Variants in ARMC9 observed in about 807,000 individuals in gnomAD.
ARMC9 encodes armadillo repeat containing 9, also known as lisH domain-containing protein ARMC9.
Under a neutral mutation model 107.0 loss-of-function variants are expected in ARMC9, and 94 were observed. The observed-to-expected ratio is 0.88, with a 90% CI of 0.74 to 1.04. The LOEUF (loss-of-function observed/expected upper bound fraction) is 1.04, where lower values mean the gene tolerates loss of function less well. Among genes scored for constraint, ARMC9 ranks in the 50% least tolerant of loss-of-function variants. The pLI, the probability that ARMC9 is intolerant of heterozygous loss-of-function variation, is 0.00. For synonymous variants in ARMC9, 380 were observed against 396.9 expected (o/e 0.96, Z 0.51); for missense variants, 942 against 1,030.1 (o/e 0.91, Z 1.17).
At chr2:231,200,954 G>T (rs145040162) in intron 1 of ARMC9, among the ~76,000 whole-genome samples, 3 of 152,178 alleles carry the variant, frequency 2.0e-5, no homozygotes, top group Non-Finnish European at 2.9e-5. Context: ...TGTTTGCCTG[G>T]GGGGGCAGAG....
intron 9 of ARMC9, among the ~76,000 whole-genome samples, chr2:231,251,490 C>T (rs922678923): frequency 1.3e-5 from 2 of 152,126 alleles, no homozygotes; most frequent in Non-Finnish European, 2.9e-5. Context: ...AATTTAATTC[C>T]TTAACAATCC....
At chr2:231,325,978 T>C (rs1429107752) in intron 19 of ARMC9, among the ~76,000 whole-genome samples, 10 of 152,054 alleles carry the variant, frequency 6.6e-5, no homozygotes, top group Admixed American at 6.5e-4. Flanking sequence ...GGATTCTCCA[T>C]TTGTGATTAG....
chr2:231,271,355 A>AAT (rs2039313525), intron 13 of ARMC9, among the ~76,000 whole-genome samples: 1 of 152,168 alleles, frequency 6.6e-6, no homozygotes, highest in Non-Finnish European at 1.5e-5. Context: ...TATTGCTTTC[A>AAT]AGTATATCAC....
intron 15 of ARMC9, 128 bp downstream of exon 15, chr2:231,276,903 A>G: frequency 1.5e-6 from 2 of 1,322,258 alleles, no homozygotes; most frequent in Non-Finnish European, 2.0e-6. Context: ...AAAAAGGAGT[A>G]GAAAGCATTT....
intron 9 of ARMC9, among the ~76,000 whole-genome samples, chr2:231,244,197 T>G (rs1325662598): frequency 6.6e-6 from 1 of 152,202 alleles, no homozygotes; most frequent in Non-Finnish European, 1.5e-5. Flanking sequence ...GAATCTGGGC[T>G]TCTACCAACT....
intron 9 of ARMC9, among the ~76,000 whole-genome samples, chr2:231,252,272 A>G (rs1392924121): frequency 6.6e-6 from 1 of 152,190 alleles, no homozygotes; most frequent in Non-Finnish European, 1.5e-5. Flanking sequence ...TTTTTGAGAC[A>G]GAGCTTTGCT....
At chr2:231,252,294 G>T (rs1178732940) in intron 9 of ARMC9, among the ~76,000 whole-genome samples, 1 of 152,158 alleles carries the variant, frequency 6.6e-6, no homozygotes, top group Non-Finnish European at 1.5e-5. Context: ...TTGTCACCCA[G>T]GCTGGAATGC....
intron 20 of ARMC9, among the ~76,000 whole-genome samples, chr2:231,341,212 A>C (rs1171483982): frequency 6.6e-6 from 1 of 152,132 alleles, no homozygotes; most frequent in Non-Finnish European, 1.5e-5. Flanking sequence ...ACATACATAA[A>C]ATGACCATGT....
intron 20 of ARMC9, among the ~76,000 whole-genome samples, chr2:231,336,041 T>C (rs1023640253): frequency 2.0e-5 from 3 of 152,134 alleles, no homozygotes; most frequent in African/African-American, 7.2e-5. Flanking sequence ...ATTGCACCAC[T>C]ACATTCCAGC....
Position 231,358,438 on chromosome 2 carries a change from G to A in ARMC9, c.2132-2316G>A, listed in dbSNP as rs1339839611. Among the ~76,000 whole-genome samples the A allele has an allele frequency of 1.3e-5, 2 of 152,136 alleles. No individual in the cohort carries two copies. The highest frequency in any genetic ancestry group is 4.8e-5 in the African/African-American group (2 of 41,418). ...GCTGGTCTTGAACCCTTGGGCTCAA[G>A]CGATCCTCCCGCCTCGGCCTCCCAA... On this transcript the variant is annotated intron_variant, in intron 22 of 24. Coordinates refer to ENST00000611582, the MANE Select transcript of ARMC9 (RefSeq NM_001352754.2). This position sits in a 1 kb window ranked among gnomAD's most constrained non-coding sequence, Gnocchi z 4.5.
intron 7 of ARMC9, among the ~76,000 whole-genome samples, chr2:231,232,326 AT>A (rs1202315683): frequency 1.3e-5 from 2 of 151,296 alleles, no homozygotes; most frequent in East Asian, 4.0e-4. Context: ...ACCTGGCCAA[AT>A]TTATCACATT....
intron 21 of ARMC9, among the ~76,000 whole-genome samples, chr2:231,350,716 G>A (rs2045029633): frequency 6.6e-6 from 1 of 151,866 alleles, no homozygotes; most frequent in South Asian, 2.1e-4. Flanking sequence ...TCTCAGCCCT[G>A]GAGGTTGGAT....
At chr2:231,367,940 A>G (rs556956908) in intron 23 of ARMC9, among the ~76,000 whole-genome samples, 9 of 151,650 alleles carry the variant, frequency 5.9e-5, no homozygotes, top group Non-Finnish European at 1.2e-4. Context: ...AGATCGCACC[A>G]TTGCACTACA....
chr2:231,203,425 T>C (rs1407994542), intron 1 of ARMC9, among the ~76,000 whole-genome samples: 3 of 152,314 alleles, frequency 2.0e-5, no homozygotes, highest in South Asian at 4.1e-4. Flanking sequence ...ACAGCGCTCA[T>C]GGCCCCTCTT....
At position 231,214,840 on chromosome 2, in the gene ARMC9, G is replaced by A. The variant is rs745480955; in HGVS notation, c.187G>A (p.Val63Ile). The A allele has an allele frequency of 1.9e-6, 3 of 1,613,932 alleles. No individual in the cohort carries two copies. Among genetic ancestry groups the A allele is most frequent in the Non-Finnish European group, 2.5e-6 (3 of 1,179,966 alleles). Reference protein sequence around the residue: ...SKSLTIQKDLVAAFDNGDQKV... With the variant: ...SKSLTIQKDLIAAFDNGDQKV... ...GATGTCTTCTCCACAGAAGGATCTTGTCGCTGCATTTGACAACGGAGACCA... is the reference window on the plus strand; with the variant it reads ...GATGTCTTCTCCACAGAAGGATCTTATCGCTGCATTTGACAACGGAGACCA... Residue 63 changes from valine (V) to isoleucine (I), a missense_variant, in exon 4 of 25, where the codon GTC becomes ATC. Coordinates refer to ENST00000611582, the MANE Select transcript of ARMC9 (RefSeq NM_001352754.2).
chr2:231,251,072 A>C (rs2037251042), intron 9 of ARMC9, among the ~76,000 whole-genome samples: 1 of 152,134 alleles, frequency 6.6e-6, no homozygotes, highest in Non-Finnish European at 1.5e-5. Flanking sequence ...TGGGGATTGG[A>C]GAGAAGGTAG....
At position 231,259,006 on chromosome 2, in the gene ARMC9, C is replaced by A; in HGVS notation, c.930C>A (p.Val310=). 1.2e-6 allele frequency: 2 copies of A among 1,613,656 alleles called. No individual in the cohort carries two copies. Among genetic ancestry groups the A allele is most frequent in the East Asian group, 2.2e-5 (1 of 44,886 alleles). The part of the protein sequence containing the change: ...ASLAPVKLKD[V]PLLPSLDYEK... ...TGCTGAGTAGGAAATTGAAGGATGTCCCATTACTGCCCTCCTTGGATTATG... is the reference window on the plus strand; with the variant it reads ...TGCTGAGTAGGAAATTGAAGGATGTACCATTACTGCCCTCCTTGGATTATG... Residue 310 remains valine (V), a synonymous_variant, in exon 11 of 25, where the codon GTC becomes GTA. Transcript: ENST00000611582.
intron 19 of ARMC9, among the ~76,000 whole-genome samples, chr2:231,320,075 A>T (rs1242171206): frequency 6.6e-6 from 1 of 152,038 alleles, no homozygotes; most frequent in Non-Finnish European, 1.5e-5. Flanking sequence ...ATTCAACATT[A>T]TGTGTTAGAG....
chr2:231,302,433 G>GTTTTTTTTTTTTTTTTTTTTT (rs1322418026), intron 19 of ARMC9, among the ~76,000 whole-genome samples: 22 of 96,446 alleles, frequency 2.3e-4, no homozygotes, highest in South Asian at 4.0e-4. Context: ...AGCATTGTGG[G>GTTTTTTTTTTTTTTTTTTTTT]TTTGTTTTTT....
Sources: gnomAD v4.1 joint callset for allele counts (sites outside exome capture counted in the v4.1 genomes callset) on GRCh38, gnomAD v4.1.1 for gene constraint, Gnocchi (gnomAD v3.1) non-coding constraint, MANE v1.5 for transcripts, NCBI Gene and HGNC (gene_info 2026-07-23, HGNC 2026-07-21) for gene names.